The following RNF180 variants were observed in gnomAD, a reference collection of about 807,000 sequenced individuals.
RNF180 encodes E3 ubiquitin-protein ligase RNF180.
Under a neutral mutation model 59.2 loss-of-function variants are expected in RNF180, and 38 were observed. The ratio of observed to expected loss-of-function variants is 0.64; its 90% CI spans 0.50 to 0.84. The LOEUF is 0.84. Ranked by LOEUF, RNF180 falls within the 40% of genes least tolerant of loss-of-function variation. The probability of loss-of-function intolerance (pLI) is 0.00; values close to 1 mark genes in which losing one functional copy is unlikely to be tolerated. For synonymous variants in RNF180, 262 were observed against 240.3 expected (o/e 1.09, Z -0.84); for missense variants, 705 against 700.9 (o/e 1.01, Z -0.07).
intron 3 of RNF180, 45 bp from the exon 4 acceptor site, chr5:64,213,513 C>G (rs770388333): frequency 1.3e-6 from 2 of 1,528,480 alleles, no homozygotes; most frequent in Non-Finnish European, 1.8e-6. Context: ...TCTTCAGTTA[C>G]TTTATAATGA....
chr5:64,360,397 T>C (rs1309391648), intron 7 of RNF180, among the ~76,000 whole-genome samples: 2 of 151,716 alleles, frequency 1.3e-5, no homozygotes, highest in African/African-American at 2.4e-5. Flanking sequence ...ATAAATTAGG[T>C]ATTGATGTAA....
At chr5:64,286,281 A>C (rs900526557) in intron 5 of RNF180, among the ~76,000 whole-genome samples, 5 of 152,232 alleles carry the variant, frequency 3.3e-5, no homozygotes, top group African/African-American at 1.2e-4. Flanking sequence ...GAGAACCTTG[A>C]AGGTGCCAGG....
intron 5 of RNF180, among the ~76,000 whole-genome samples, chr5:64,219,266 A>G (rs1005098581): frequency 6.6e-6 from 1 of 152,132 alleles, no homozygotes; most frequent in African/African-American, 2.4e-5. Context: ...ATAATTCACT[A>G]TCAAATATTG....
intron 7 of RNF180, among the ~76,000 whole-genome samples, chr5:64,353,743 A>G (rs946890006): frequency 1.3e-4 from 19 of 151,850 alleles, no homozygotes; most frequent in African/African-American, 4.1e-4. Flanking sequence ...GTCTTGATAC[A>G]TTTTAAAAGA....
intron 5 of RNF180, among the ~76,000 whole-genome samples, chr5:64,270,837 AAG>A (rs1741359758): frequency 6.6e-6 from 1 of 152,130 alleles, no homozygotes; most frequent in African/African-American, 2.4e-5. Context: ...TTGTATCTGA[AAG>A]GAAATTCAAA....
At chr5:64,169,240 G>A (rs1749811415) in intron 1 of RNF180, among the ~76,000 whole-genome samples, 1 of 152,192 alleles carries the variant, frequency 6.6e-6, no homozygotes, top group African/African-American at 2.4e-5. Flanking sequence ...ACGTCCTGTT[G>A]TAAATATTAT....
intron 7 of RNF180, among the ~76,000 whole-genome samples, chr5:64,331,321 C>G (rs1398837174): frequency 6.6e-6 from 1 of 152,238 alleles, no homozygotes; most frequent in Non-Finnish European, 1.5e-5. Context: ...CCACCTTCTT[C>G]AAACCTGAAG....
intron 5 of RNF180, 67 bp downstream of exon 5, chr5:64,217,463 A>G (rs1752693356): frequency 3.8e-6 from 5 of 1,323,088 alleles, no homozygotes; most frequent in Non-Finnish European, 4.8e-6. Context: ...ACCATTTTGC[A>G]TTCCAAGCAG....
At chr5:64,245,486 G>T (rs780808937) in intron 5 of RNF180, among the ~76,000 whole-genome samples, 6 of 152,284 alleles carry the variant, frequency 3.9e-5, no homozygotes, top group Middle Eastern at 3.4e-3. Context: ...TGATAAAACA[G>T]ACTTTAAACC....
chr5:64,253,035 G>C (rs1347048310), intron 5 of RNF180, among the ~76,000 whole-genome samples: 1 of 152,022 alleles, frequency 6.6e-6, no homozygotes, highest in African/African-American at 2.4e-5. Context: ...AGAGAATCCT[G>C]AAACTATTTA....
intron 5 of RNF180, among the ~76,000 whole-genome samples, chr5:64,238,345 G>GGA (rs1338955959): frequency 1.3e-5 from 2 of 152,082 alleles, no homozygotes; most frequent in Non-Finnish European, 2.9e-5. Flanking sequence ...TAATTCTTTT[G>GGA]GAGAAATACT....
At chr5:64,264,052 C>CT (rs1744513806) in intron 5 of RNF180, among the ~76,000 whole-genome samples, 1 of 152,100 alleles carries the variant, frequency 6.6e-6, no homozygotes. Context: ...ATATAGTAGT[C>CT]TAACTTTCCT....
chr5:64,221,475 GT>G (rs1741331088), intron 5 of RNF180, among the ~76,000 whole-genome samples: 1 of 151,992 alleles, frequency 6.6e-6, no homozygotes, highest in Non-Finnish European at 1.5e-5. Context: ...GTATAAGTTT[GT>G]TACTCTGTTT....
At chr5:64,256,952 A>C (rs566782100) in intron 5 of RNF180, among the ~76,000 whole-genome samples, 37 of 152,026 alleles carry the variant, frequency 2.4e-4, no homozygotes, top group Admixed American at 5.2e-4. Context: ...GTATTTTATT[A>C]TCTTTGAAGC....
At chr5:64,255,679 T>C (rs905075408) in intron 5 of RNF180, among the ~76,000 whole-genome samples, 2 of 152,232 alleles carry the variant, frequency 1.3e-5, no homozygotes, top group African/African-American at 2.4e-5. Flanking sequence ...TGTGTCGTTA[T>C]AGCAGCATGA....
chr5:64,236,905 G>A (rs1357471166), intron 5 of RNF180, among the ~76,000 whole-genome samples: 1 of 152,182 alleles, frequency 6.6e-6, no homozygotes, highest in African/African-American at 2.4e-5. Flanking sequence ...TGAGCTTCGA[G>A]AACCTCCACC....
intron 5 of RNF180, among the ~76,000 whole-genome samples, chr5:64,259,917 G>A (rs1018004835): frequency 1.2e-4 from 18 of 151,872 alleles, no homozygotes; most frequent in African/African-American, 2.2e-4. Context: ...GCAAAACTCC[G>A]TCTCAACAAC....
intron 1 of RNF180, among the ~76,000 whole-genome samples, chr5:64,167,557 C>T (rs1749712871): frequency 6.6e-6 from 1 of 152,066 alleles, no homozygotes; most frequent in Non-Finnish European, 1.5e-5. Flanking sequence ...TGTCTGAGGA[C>T]CGACACCAGC....
intron 6 of RNF180, among the ~76,000 whole-genome samples, chr5:64,325,644 T>A (rs1337287686): frequency 1.3e-5 from 2 of 152,218 alleles, no homozygotes; most frequent in Non-Finnish European, 2.9e-5. Flanking sequence ...ACACTGTAAC[T>A]AGTAGTTGTT....
Sources: allele counts gnomAD v4.1 joint callset (sites outside exome capture counted in the v4.1 genomes callset), GRCh38; gene constraint gnomAD v4.1.1; transcripts MANE v1.5; gene names NCBI Gene and HGNC (gene_info 2026-07-23, HGNC 2026-07-21).